Variants in ANK1 observed in about 807,000 individuals in gnomAD.
The protein encoded by ANK1 is ankyrin 1.
In ANK1, 51 loss-of-function variants were observed where a neutral mutation model predicts 210.4. That is an observed-to-expected ratio of 0.24 (90% confidence interval 0.19 to 0.31). The LOEUF is 0.31. Among genes scored for constraint, ANK1 ranks in the 10% least tolerant of loss-of-function variants. The probability of loss-of-function intolerance (pLI) is 1.00; values close to 1 mark genes in which losing one functional copy is unlikely to be tolerated. For missense variants in ANK1, 2,051 were observed against 2,504.4 expected, an observed-to-expected ratio of 0.82 and a Z score of 3.86; for synonymous variants, 967 against 1,025.9, an observed-to-expected ratio of 0.94 and a Z score of 1.10.
At chr8:41,805,177 C>G (rs968782685) in intron 1 of ANK1, among the ~76,000 whole-genome samples, 1 of 149,860 alleles carries the variant, frequency 6.7e-6, no homozygotes, top group Non-Finnish European at 1.5e-5. Flanking sequence ...CTCTTTCTTT[C>G]TTTCTTTCTC....
At position 41,654,909 on chromosome 8, in the gene ANK1, C is replaced by G. The variant is rs1358676316; in HGVS notation, c.*881G>C. ...ATGGGGTCCTGGCTCCCTTTGAGTCCTACAGGTAAGCCTGGGGGTCCTCGC... is the reference window on the plus strand; with the variant it reads ...ATGGGGTCCTGGCTCCCTTTGAGTCGTACAGGTAAGCCTGGGGGTCCTCGC... On this transcript the variant is annotated 3_prime_UTR_variant, in exon 43 of 43. Transcript: ENST00000289734. 1 of 152,608 alleles carries G rather than the reference C, an allele frequency of 6.6e-6. No individual in the cohort carries two copies. Among genetic ancestry groups the G allele is most frequent in the Non-Finnish European group, 1.5e-5 (1 of 68,048 alleles). 9.5% of individuals were successfully genotyped at this position (152,608 alleles called of 1,614,324 possible).
In ANK1 at chr8:41,696,779, G is replaced by A. The variant is rs766748178; in HGVS notation, c.2638-6C>T. ...TCATCATACTCTTTAGATGCCTGAG[G>A]AGAGAGAAAGGGTCCTCCTGTCCCA... On this transcript the variant is annotated splice_region_variant and splice_polypyrimidine_tract_variant and intron_variant, in intron 24 of 42. Transcript: ENST00000289734. 4.4e-6 allele frequency: 7 copies of A among 1,598,840 alleles called. No individual in the cohort carries two copies. The highest frequency in any genetic ancestry group is 2.2e-5 in the South Asian group (2 of 90,916).
rs559497845 is a variant in ANK1 at position 41,797,603 on chromosome 8, G to C, written c.-65C>G. On this transcript the variant is annotated 5_prime_UTR_variant, in exon 1 of 43. Transcript: ENST00000289734. This position sits in a 1 kb window ranked among gnomAD's most constrained non-coding sequence, Gnocchi z 4.0. ...GCTTGAGGAGGAGCAGCTGGGGCTG[G>C]CGGACTCACCGCAGCCTCTGCGGGG... is the stretch of plus-strand genomic sequence containing the variant. 1 of 1,606,058 alleles carries C rather than the reference G, an allele frequency of 6.2e-7. No homozygotes were observed. The highest frequency in any genetic ancestry group is 1.3e-5 in the African/African-American group (1 of 74,664).
chr8:41,874,031 A>G (rs1399959595), intron 1 of ANK1, among the ~76,000 whole-genome samples: 3 of 152,210 alleles, frequency 2.0e-5, no homozygotes, highest in Non-Finnish European at 4.4e-5. Flanking sequence ...TACACACACA[A>G]GCACACATGC....
At chr8:41,816,921 A>G (rs1383843343) in intron 1 of ANK1, among the ~76,000 whole-genome samples, 1 of 152,236 alleles carries the variant, frequency 6.6e-6, no homozygotes, top group Non-Finnish European at 1.5e-5. Context: ...ACATAACCAT[A>G]TAGATAGAAA....
Position 41,861,915 on chromosome 8 carries a change from G to A in ANK1, c.126+34440C>T, listed in dbSNP as rs145166408. Among the ~76,000 whole-genome samples, 550 of 152,228 alleles carry A rather than the reference G, an allele frequency of 3.6e-3. 5 individuals carry two copies. Among genetic ancestry groups the A allele is most frequent in the African/African-American group, 0.013 (534 of 41,526 alleles). On this transcript the variant is annotated intron_variant, in intron 1 of 42. Coordinates refer to the ANK1 transcript ENST00000265709. ...TTCATGTACAGCAGTGCCCACCTCC[G>A]CACGCCTCCTCTTGCACGCTCCTGC...
intron 1 of ANK1, among the ~76,000 whole-genome samples, chr8:41,881,037 T>C (rs1439384814): frequency 2.0e-5 from 3 of 152,184 alleles, no homozygotes; most frequent in South Asian, 2.1e-4. Flanking sequence ...GTACAGAGAG[T>C]TGGGCCTGGA....
In ANK1 at chr8:41,894,150, A is replaced by G. The variant is rs532639921; in HGVS notation, c.126+2205T>C. Among the ~76,000 whole-genome samples, 3 of 152,102 alleles carry G rather than the reference A, an allele frequency of 2.0e-5. No individual in the cohort carries two copies. In the South Asian group the frequency reaches 6.2e-4, roughly 32 times the overall value. On this transcript the variant is annotated intron_variant, in intron 1 of 42. Coordinates refer to the ANK1 transcript ENST00000265709. ...ACAAAGCATCCCTACATCCCACCCC[A>G]TACCATCTCCCCTGCACCCAAAGAA... is the stretch of plus-strand genomic sequence containing the variant.
rs760594547 is a variant in ANK1 at position 41,700,458 on chromosome 8, G to C, written c.2462-910C>G. On this transcript the variant is annotated intron_variant, in intron 22 of 42. Transcript: ENST00000289734. Reference sequence around the variant, plus strand: ...ATTATAGTTATATGAGCAGTTCCTGGAAAGCAAAGGAGAGCAGAATTGAAA... The same window carrying C: ...ATTATAGTTATATGAGCAGTTCCTGCAAAGCAAAGGAGAGCAGAATTGAAA... 3 of 1,613,452 alleles carry C rather than the reference G, an allele frequency of 1.9e-6. No homozygotes were observed. In the East Asian group the frequency reaches 6.7e-5, roughly 36 times the overall value.
chr8:41,668,431 G>C lies in ANK1; in HGVS notation c.5230C>G (p.Pro1744Ala), dbSNP rs537167085. The change falls in exon 39 of 43, where the codon CCC (proline) becomes GCC (alanine). Residue 1744 changes from proline (P) to alanine (A), a missense_variant. Physicochemically the swap from Pro to Ala is conservative, Grantham distance 27 (BLOSUM62 -1). Transcript: ENST00000289734. ...GTSTMTEGLE[P>A]GGSQEYEKVL... ...TTCTCGTACTCCTGAGATCCACCGG[G>C]CTCTAGCCCTTCAGTCATGGTACTT... 48 of 1,614,224 alleles carry C rather than the reference G, an allele frequency of 3.0e-5. No homozygotes were observed. The South Asian group carries it at 5.3e-4, about 18-fold the overall frequency.
At position 41,727,122 on chromosome 8, in the gene ANK1, A is replaced by T. The variant is rs141609281; in HGVS notation, c.426+128T>A. 5.4e-5 allele frequency: 41 copies of T among 753,314 alleles called. No individual in the cohort carries two copies. The Admixed American group carries it at 6.4e-4, about 12-fold the overall frequency. The allele number at this position is 753,314 out of a possible 1,614,324, so 46.7% of individuals were successfully genotyped here. A position where few individuals can be genotyped will look rare whatever the true frequency, so the allele number is the denominator to read the frequency against. Reference sequence around the variant, plus strand: ...ACCTGACAGCACTCTGGATTAGTGCAGCGACCTGAAGGTCATCCATCATGA... The same window carrying T: ...ACCTGACAGCACTCTGGATTAGTGCTGCGACCTGAAGGTCATCCATCATGA... On this transcript the variant is annotated intron_variant, in intron 5 of 42. Coordinates refer to ENST00000289734, the MANE Select transcript of ANK1 (RefSeq NM_000037.4).
intron 42 of ANK1, 34 bp from the exon 43 acceptor site, chr8:41,655,787 A>G: frequency 6.2e-7 from 1 of 1,612,242 alleles, no homozygotes; most frequent in Non-Finnish European, 8.5e-7. Flanking sequence ...AGTCACTTAG[A>G]ATGCAAAAGT....
At chr8:41,715,547 C>T in intron 14 of ANK1, 105 bp downstream of exon 14, 1 of 1,411,100 alleles carries the variant, frequency 7.1e-7, no homozygotes, top group Non-Finnish European at 9.7e-7. Flanking sequence ...CTGCTTGCAG[C>T]ATCATTGAGG....
rs757567189 is a variant in ANK1 at position 41,672,242 on chromosome 8, A to C, written c.5096+112T>G. On this transcript the variant is annotated intron_variant, in intron 38 of 42. Transcript: ENST00000289734. ...TGAATGTATGTGCTCCTGTGCAATT[A>C]GAACCCAGGGTCAGGGTTGGCATCG... 7.9e-3 allele frequency: 9,434 copies of C among 1,194,046 alleles called. 312 individuals are homozygous for C. The African/African-American group carries it at 0.095, about 12-fold the overall frequency. The allele number at this position is 1,194,046 out of a possible 1,614,324, so 74.0% of individuals were successfully genotyped here.
At chr8:41,807,672 C>G (rs1339525209) in intron 1 of ANK1, among the ~76,000 whole-genome samples, 1 of 152,110 alleles carries the variant, frequency 6.6e-6, no homozygotes, top group Non-Finnish European at 1.5e-5. Flanking sequence ...AATCTCTGAT[C>G]CCCTCTAAGT....
chr8:41,694,684 C>T lies in ANK1; in HGVS notation c.3235G>A (p.Glu1079Lys), dbSNP rs368279119. The T allele has an allele frequency of 3.4e-5, 55 of 1,614,140 alleles. No individual in the cohort carries two copies. Among genetic ancestry groups the T allele is most frequent in the Admixed American group, 5.0e-5 (3 of 60,024 alleles). Residue 1079 changes from glutamate (E) to lysine (K), a missense_variant, in exon 28 of 43, where the codon GAA (glutamate) becomes AAA (lysine). Coordinates refer to ENST00000289734, the MANE Select transcript of ANK1 (RefSeq NM_000037.4). The surrounding 1 kb of genome is among the most constrained non-coding windows in gnomAD (Gnocchi z 5.7). The part of the protein sequence containing the change: ...LCQDYDTIGP[E>K]GGSLKSKLVP... ...AGCTTGCTCTTCAGGGAGCCCCCTT[C>T]GGGACCGATGGTGTCGTAGTCCTGG...
intron 1 of ANK1, among the ~76,000 whole-genome samples, chr8:41,883,820 T>A (rs1387405600): frequency 6.6e-6 from 1 of 152,164 alleles, no homozygotes; most frequent in Non-Finnish European, 1.5e-5. Context: ...CAGGAGAGCC[T>A]CTGTGTCCAA....
intron 1 of ANK1, among the ~76,000 whole-genome samples, chr8:41,783,956 G>A (rs1175821250): frequency 6.6e-6 from 1 of 151,948 alleles, no homozygotes; most frequent in Non-Finnish European, 1.5e-5. Flanking sequence ...CCCAGCTACA[G>A]GAGAATCACT....
intron 1 of ANK1, among the ~76,000 whole-genome samples, chr8:41,824,464 T>G (rs1453870164): frequency 6.6e-6 from 1 of 152,094 alleles, no homozygotes; most frequent in African/African-American, 2.4e-5. Flanking sequence ...CCTTTGCAAA[T>G]TCATTTTAAG....
Sources: allele counts gnomAD v4.1 joint callset (sites outside exome capture counted in the v4.1 genomes callset), GRCh38; gene constraint gnomAD v4.1.1; non-coding constraint Gnocchi (gnomAD v3.1); transcripts MANE v1.5; gene names NCBI Gene and HGNC (gene_info 2026-07-23, HGNC 2026-07-21).